The following TGFB2 variants were observed in gnomAD, a reference collection of about 807,000 sequenced individuals.
TGFB2 encodes transforming growth factor beta 2, also known as transforming growth factor beta-2 proprotein.
A neutral mutation model predicts 42.7 loss-of-function variants in TGFB2; 13 were observed. The observed-to-expected ratio is 0.30, with a 90% confidence interval of 0.20 to 0.48. The LOEUF (loss-of-function observed/expected upper bound fraction) is 0.48, where lower values mean the gene tolerates loss of function less well. TGFB2 is among the 20% of genes least tolerant of loss of function. TGFB2 has a pLI of 0.99. For missense variants in TGFB2, 390 were observed against 517.5 expected (o/e 0.75, Z 2.39); for synonymous variants, 193 against 193.6 (o/e 1.00, Z 0.03).
At chr1:218,394,319 T>A (rs1344221508) in intron 1 of TGFB2, among the ~76,000 whole-genome samples, 1 of 152,046 alleles carries the variant, frequency 6.6e-6, no homozygotes, top group Non-Finnish European at 1.5e-5. Flanking sequence ...CTGAGCCTGA[T>A]GAGGAATGTA....
chr1:218,415,711 A>C (rs1659255274), intron 2 of TGFB2, among the ~76,000 whole-genome samples: 1 of 150,636 alleles, frequency 6.6e-6, no homozygotes, highest in Admixed American at 6.6e-5. Flanking sequence ...AAAAAAAAAA[A>C]AAAAAAAAAA....
At chr1:218,381,626 T>C (rs184089345) in intron 1 of TGFB2, among the ~76,000 whole-genome samples, 39 of 152,290 alleles carry the variant, frequency 2.6e-4, no homozygotes, top group African/African-American at 9.4e-4. Flanking sequence ...CTTAAATCTC[T>C]TTGTGTTCAA....
intron 1 of TGFB2, among the ~76,000 whole-genome samples, chr1:218,383,708 C>T (rs894003232): frequency 6.6e-6 from 1 of 152,096 alleles, no homozygotes; most frequent in African/African-American, 2.4e-5. Context: ...AGCTACGTGG[C>T]GAAGGACTTG....
intron 1 of TGFB2, among the ~76,000 whole-genome samples, chr1:218,384,501 C>T (rs942922479): frequency 1.3e-5 from 2 of 152,162 alleles, no homozygotes; most frequent in African/African-American, 4.8e-5. Flanking sequence ...AGCTGTGTGA[C>T]CTTAGATAAA....
At chr1:218,415,694 CAAAAGA>C (rs1659252779) in intron 2 of TGFB2, among the ~76,000 whole-genome samples, 1 of 40,152 alleles carries the variant, frequency 2.5e-5, no homozygotes, top group Non-Finnish European at 4.6e-5. Flanking sequence ...GACTCTGTCT[CAAAAGA>C]AAAAAAAAAA....
At chr1:218,366,313 T>TC (rs1657385352) in intron 1 of TGFB2, among the ~76,000 whole-genome samples, 1 of 152,076 alleles carries the variant, frequency 6.6e-6, no homozygotes, top group Admixed American at 6.6e-5. Context: ...TCTCTCTCTC[T>TC]TTTTTTAGAG....
Position 218,345,467 on chromosome 1 carries a change from AAG to A in TGFB2, c.-1232_-1231del, listed in dbSNP as rs1656629023. On this transcript the variant is annotated 5_prime_UTR_variant, in exon 1 of 7. Transcript: ENST00000366930. ...GACAGCAGAGCGAGAGCGCAAGTGA[AAG>A]AGGCAGGGGAGGGGGATGGAGAATA... is the stretch of plus-strand genomic sequence containing the variant. 1 of 153,014 alleles carries A rather than the reference AAG, an allele frequency of 6.5e-6. No individual in the cohort carries two copies. The highest frequency in any genetic ancestry group is 1.5e-5 in the Non-Finnish European group (1 of 68,648). The allele number at this position is 153,014 out of a possible 1,614,324, so 9.5% of individuals were successfully genotyped here.
At chr1:218,394,453 C>T (rs1658429712) in intron 1 of TGFB2, among the ~76,000 whole-genome samples, 3 of 152,082 alleles carry the variant, frequency 2.0e-5, no homozygotes, top group Non-Finnish European at 2.9e-5. Context: ...CACCATGGGC[C>T]GGCACCACTG....
chr1:218,346,401 T>C lies in TGFB2; in HGVS notation c.-301T>C. 1 of 310,730 alleles carries C rather than the reference T, an allele frequency of 3.2e-6. No homozygotes were observed. Among genetic ancestry groups the C allele is most frequent in the Non-Finnish European group, 5.8e-6 (1 of 172,452 alleles). 19.2% of individuals were successfully genotyped at this position (310,730 alleles called of 1,614,324 possible). A position where few individuals can be genotyped will look rare whatever the true frequency, so the allele number is the denominator to read the frequency against. On this transcript the variant is annotated 5_prime_UTR_variant, in exon 1 of 7. Transcript: ENST00000366930. The surrounding 1 kb of genome is among the most constrained non-coding windows in gnomAD (Gnocchi z 4.9). ...CTACTTAATAGCCACTCGTCTCTTT[T>C]TTTCCCCATCTCATTGCTCCAAGAA...
chr1:218,441,618 C>A lies in TGFB2; in HGVS notation c.*256C>A. 3.3e-6 allele frequency: 1 copy of A among 300,018 alleles called. No homozygotes were observed. Among genetic ancestry groups the A allele is most frequent in the Non-Finnish European group, 6.1e-6 (1 of 164,250 alleles). The allele number at this position is 300,018 out of a possible 1,614,324, so 18.6% of individuals were successfully genotyped here. A position where few individuals can be genotyped will look rare whatever the true frequency, so the allele number is the denominator to read the frequency against. ...CTTTGTAAGTGAGAGAGACAAGAAG[C>A]AAATTTTTTTTAAAGAAAAAAATAA... On this transcript the variant is annotated 3_prime_UTR_variant, in exon 7 of 7. Transcript: ENST00000366930.
intron 1 of TGFB2, among the ~76,000 whole-genome samples, chr1:218,397,795 G>C (rs968673869): frequency 3.3e-5 from 5 of 152,134 alleles, no homozygotes; most frequent in Non-Finnish European, 5.9e-5. Context: ...TGTAAGCCTC[G>C]TTTAGCTTTG....
At chr1:218,391,431 G>A (rs924709697) in intron 1 of TGFB2, among the ~76,000 whole-genome samples, 50 of 152,330 alleles carry the variant, frequency 3.3e-4, no homozygotes, top group African/African-American at 1.2e-3. Context: ...ATAAGTTCTA[G>A]TGTGAATTCA....
At chr1:218,423,664 G>C (rs1659528082) in intron 2 of TGFB2, among the ~76,000 whole-genome samples, 1 of 152,152 alleles carries the variant, frequency 6.6e-6, no homozygotes, top group Non-Finnish European at 1.5e-5. Context: ...AGGCGCGTGT[G>C]AGATGATAGG....
At chr1:218,395,458 T>C (rs547290721) in intron 1 of TGFB2, among the ~76,000 whole-genome samples, 16 of 152,342 alleles carry the variant, frequency 1.1e-4, no homozygotes, top group South Asian at 2.1e-4. Flanking sequence ...TGTTTCTGCC[T>C]GGCGTGGTAG....
intron 6 of TGFB2, among the ~76,000 whole-genome samples, chr1:218,438,834 C>CGCAGTG (rs1341010884): frequency 2.6e-5 from 4 of 152,084 alleles, no homozygotes; most frequent in Non-Finnish European, 5.9e-5. Context: ...GGGGACCGGG[C>CGCAGTG]GCAGTGACTC....
At chr1:218,428,043 G>A (rs377656487) in intron 2 of TGFB2, among the ~76,000 whole-genome samples, 1 of 152,132 alleles carries the variant, frequency 6.6e-6, no homozygotes, top group Non-Finnish European at 1.5e-5. Flanking sequence ...GTGTGAGATG[G>A]TATCTCATTG....
chr1:218,356,982 C>A (rs183132899), intron 1 of TGFB2, among the ~76,000 whole-genome samples: 5 of 152,128 alleles, frequency 3.3e-5, no homozygotes, highest in African/African-American at 9.7e-5. Context: ...GAGGCTGAGG[C>A]GGGTGGATCA....
At chr1:218,384,108 T>C (rs1658052702) in intron 1 of TGFB2, among the ~76,000 whole-genome samples, 1 of 133,776 alleles carries the variant, frequency 7.5e-6, no homozygotes, top group South Asian at 2.5e-4. Context: ...CTAGAACATC[T>C]TGATTCATTA....
chr1:218,388,901 C>G (rs1658225463), intron 1 of TGFB2, among the ~76,000 whole-genome samples: 1 of 152,158 alleles, frequency 6.6e-6, no homozygotes, highest in East Asian at 1.9e-4. Flanking sequence ...ATGGCGGTCT[C>G]AGAATTGGCC....
Sources: allele counts gnomAD v4.1 joint callset (sites outside exome capture counted in the v4.1 genomes callset), GRCh38; gene constraint gnomAD v4.1.1; non-coding constraint Gnocchi (gnomAD v3.1); transcripts MANE v1.5; gene names NCBI Gene and HGNC (gene_info 2026-07-23, HGNC 2026-07-21).